Variants in ATP8A2 observed in about 807,000 individuals in gnomAD.
The protein encoded by ATP8A2 is ATPase phospholipid transporting 8A2.
A neutral mutation model predicts 165.6 loss-of-function variants in ATP8A2; 100 were observed. The ratio of observed to expected loss-of-function variants is 0.60; its 90% CI spans 0.51 to 0.71. The LOEUF (loss-of-function observed/expected upper bound fraction) is 0.71. Among genes scored for constraint, ATP8A2 ranks in the 30% least tolerant of loss-of-function variants. ATP8A2 has a pLI of 0.00. For synonymous variants in ATP8A2, 543 were observed against 548.8 expected (o/e 0.99, Z 0.15); for missense variants, 1,227 against 1,479.5 (o/e 0.83, Z 2.80).
At chr13:25,513,278 C>T (rs1293626139) in intron 2 of ATP8A2, among the ~76,000 whole-genome samples, 27 of 151,184 alleles carry the variant, frequency 1.8e-4, no homozygotes, top group South Asian at 1.0e-3. Flanking sequence ...ACCTCCCAGA[C>T]GGGGTCGCGG....
intron 25 of ATP8A2, among the ~76,000 whole-genome samples, chr13:25,728,267 C>T (rs929978770): frequency 6.6e-6 from 1 of 152,212 alleles, no homozygotes; most frequent in Non-Finnish European, 1.5e-5. Context: ...GGAATTCTGC[C>T]TCTGCCACTT....
chr13:25,739,671 A>G (rs1399595713), intron 25 of ATP8A2, among the ~76,000 whole-genome samples: 1 of 152,158 alleles, frequency 6.6e-6, no homozygotes, highest in East Asian at 1.9e-4. Flanking sequence ...GAGGATTGGT[A>G]TGATGTATCC....
chr13:26,015,401 G>T lies in ATP8A2; in HGVS notation c.3469+2779G>T, dbSNP rs186114825. The stretch of plus-strand genomic sequence containing the variant: ...TAATCTTGGTAGTATTTTAGTTCCT[G>T]TGAGCCACCAACATACAATATTTGT... On this transcript the variant is annotated intron_variant, in intron 36 of 36. Coordinates refer to ENST00000381655, the MANE Select transcript of ATP8A2 (RefSeq NM_016529.6). Among the ~76,000 whole-genome samples the T allele has an allele frequency of 1.4e-4, 22 of 152,218 alleles. 1 individual carries two copies. Among genetic ancestry groups the T allele is most frequent in the Admixed American group, 1.3e-3 (20 of 15,276 alleles).
At chr13:25,760,371 C>T (rs990219955) in intron 25 of ATP8A2, among the ~76,000 whole-genome samples, 6 of 152,034 alleles carry the variant, frequency 3.9e-5, no homozygotes, top group Non-Finnish European at 8.8e-5. Context: ...TGGCTTCTTC[C>T]CTTTAAAAAT....
chr13:25,719,384 C>T lies in ATP8A2; in HGVS notation c.2384+20039C>T, dbSNP rs1050430440. Among the ~76,000 whole-genome samples, 7 of 151,872 alleles carry T rather than the reference C, an allele frequency of 4.6e-5. No individual in the cohort carries two copies. The East Asian group carries it at 7.8e-4, about 17-fold the overall frequency. The stretch of plus-strand genomic sequence containing the variant: ...CAGTTAGTAAGAGAAGCTGGCTTAG[C>T]AGTTCTGAGGCTGACATGAACATTG... On this transcript the variant is annotated intron_variant, in intron 25 of 36. Transcript: ENST00000381655.
At chr13:25,636,346 A>G (rs567533375) in intron 24 of ATP8A2, among the ~76,000 whole-genome samples, 7 of 152,308 alleles carry the variant, frequency 4.6e-5, no homozygotes, top group African/African-American at 1.7e-4. Flanking sequence ...ACAAAATCCT[A>G]TGCTACTAAG....
rs571119931 is a variant in ATP8A2, at chr13:25,386,934, T to G, written c.76+14646T>G. On this transcript the variant is annotated intron_variant, in intron 1 of 36. Coordinates refer to ENST00000381655, the MANE Select transcript of ATP8A2 (RefSeq NM_016529.6). ...ATGGCGGGAACCCGGGAGGCGGAGC[T>G]TGCAGTGAGCCGAGATCGCGCCCTT... is the stretch of plus-strand genomic sequence containing the variant. Among the ~76,000 whole-genome samples the G allele has an allele frequency of 3.0e-3, 437 of 147,542 alleles. 5 individuals are homozygous for G. Among genetic ancestry groups the G allele is most frequent in the African/African-American group, 9.9e-3 (404 of 40,764 alleles).
chr13:25,480,602 G>T (rs1239564369), intron 2 of ATP8A2, among the ~76,000 whole-genome samples: 3 of 151,854 alleles, frequency 2.0e-5, no homozygotes, highest in Admixed American at 1.3e-4. Flanking sequence ...TGGGATGGCG[G>T]CCGGGAAGAG....
chr13:25,669,859 A>AC (rs2042230321), intron 24 of ATP8A2, among the ~76,000 whole-genome samples: 17 of 152,202 alleles, frequency 1.1e-4, no homozygotes, highest in Admixed American at 1.1e-3. Flanking sequence ...GGAATGAAAC[A>AC]AGTACCAGCC....
chr13:25,621,552 T>A (rs771615423), intron 24 of ATP8A2, among the ~76,000 whole-genome samples: 1 of 152,180 alleles, frequency 6.6e-6, no homozygotes, highest in Non-Finnish European at 1.5e-5. Flanking sequence ...TCCTGCCTTT[T>A]TAGAATGAGC....
At chr13:25,940,980 C>T (rs1195128943) in intron 33 of ATP8A2, among the ~76,000 whole-genome samples, 3 of 152,224 alleles carry the variant, frequency 2.0e-5, no homozygotes, top group Non-Finnish European at 2.9e-5. Flanking sequence ...GCAGAGTCCA[C>T]GTGGCTCTTT....
At chr13:25,829,555 G>A (rs1240874016) in intron 28 of ATP8A2, among the ~76,000 whole-genome samples, 2 of 150,596 alleles carry the variant, frequency 1.3e-5, no homozygotes, top group South Asian at 2.1e-4. Context: ...TGCTTGAAAG[G>A]GTCAGGTATC....
At chr13:25,861,810 G>A (rs2138762763) in intron 32 of ATP8A2, among the ~76,000 whole-genome samples, 1 of 152,340 alleles carries the variant, frequency 6.6e-6, no homozygotes, top group South Asian at 2.1e-4. Context: ...CAACGCAGTA[G>A]ATGCTTAAAG....
chr13:25,667,064 T>C (rs2042169308), intron 24 of ATP8A2, among the ~76,000 whole-genome samples: 1 of 152,214 alleles, frequency 6.6e-6, no homozygotes, highest in Non-Finnish European at 1.5e-5. Flanking sequence ...CATTCATGTT[T>C]TGCAACCACC....
chr13:25,531,721 C>T (rs1404338632), intron 4 of ATP8A2, among the ~76,000 whole-genome samples: 1 of 152,054 alleles, frequency 6.6e-6, no homozygotes, highest in Non-Finnish European at 1.5e-5. Flanking sequence ...GTGATGGCTG[C>T]ACAAAATTAT....
At chr13:25,890,842 A>C (rs1953338412) in intron 33 of ATP8A2, among the ~76,000 whole-genome samples, 1 of 152,246 alleles carries the variant, frequency 6.6e-6, no homozygotes, top group South Asian at 2.1e-4. Context: ...TATTGCTTAA[A>C]AATGACACAG....
intron 33 of ATP8A2, among the ~76,000 whole-genome samples, chr13:25,888,067 G>GA (rs1953217258): frequency 9.3e-6 from 1 of 107,786 alleles, no homozygotes; most frequent in African/African-American, 3.3e-5. Flanking sequence ...AAAGAACCCA[G>GA]ACCCCCCCCC....
intron 1 of ATP8A2, among the ~76,000 whole-genome samples, chr13:25,451,917 T>G (rs990447721): frequency 6.6e-6 from 1 of 151,500 alleles, no homozygotes; most frequent in African/African-American, 2.4e-5. Flanking sequence ...TGCAGTGGCG[T>G]GATCTCGGCT....
chr13:25,475,341 A>C (rs2035963951), intron 2 of ATP8A2, among the ~76,000 whole-genome samples: 1 of 152,162 alleles, frequency 6.6e-6, no homozygotes, highest in South Asian at 2.1e-4. Flanking sequence ...TTCCCGCAAA[A>C]GACATGATCT....
Sources: gnomAD v4.1 joint callset for allele counts (sites outside exome capture counted in the v4.1 genomes callset) on GRCh38, gnomAD v4.1.1 for gene constraint, MANE v1.5 for transcripts, NCBI Gene and HGNC (gene_info 2026-07-23, HGNC 2026-07-21) for gene names.